PDZK1: variants seen among roughly 807,000 people sequenced by gnomAD.
PDZK1 encodes the protein Na(+)/H(+) exchange regulatory cofactor NHE-RF3.
PDZK1 carries 23 observed loss-of-function variants against 38.1 expected under a neutral mutation model. The ratio of observed to expected loss-of-function variants is 0.60; its 90% confidence interval spans 0.43 to 0.85. The LOEUF (loss-of-function observed/expected upper bound fraction) is 0.85, where lower values mean the gene tolerates loss of function less well. PDZK1 is among the 40% of genes least tolerant of loss of function. The pLI is 0.00. For synonymous variants in PDZK1, 98 were observed against 186.2 expected, an observed-to-expected ratio of 0.53 and a Z score of 3.86; for missense variants, 297 against 504.3, an observed-to-expected ratio of 0.59 and a Z score of 3.94.
intron 1 of PDZK1, among the ~76,000 whole-genome samples, chr1:145,688,528 A>AG (rs1303819815): frequency 6.6e-6 from 1 of 152,134 alleles, no homozygotes; most frequent in East Asian, 1.9e-4. Context: ...TGCAGTGATA[A>AG]GGGGGAAAAT....
At chr1:145,679,807 T>C (rs1372037159) in intron 5 of PDZK1, among the ~76,000 whole-genome samples, 13 of 152,326 alleles carry the variant, frequency 8.5e-5, no homozygotes, top group African/African-American at 3.1e-4. Context: ...CAACTCCCCA[T>C]TGTCTGATAA....
At chr1:145,704,428 G>A (rs1656139372) in intron 1 of PDZK1, among the ~76,000 whole-genome samples, 1 of 152,096 alleles carries the variant, frequency 6.6e-6, no homozygotes, top group Non-Finnish European at 1.5e-5. Context: ...CCATTCCCTG[G>A]GTTCCTTCAT....
chr1:145,681,432 G>A lies in PDZK1; in HGVS notation c.598-325C>T, dbSNP rs1252009370. ...CGAGTACCTGGGACTACAGGTGCCC[G>A]CCACCGCACCTGGCTAAATTTTTTT... On this transcript the variant is annotated intron_variant, in intron 4 of 8. Coordinates refer to ENST00000417171, the MANE Select transcript of PDZK1 (RefSeq NM_001201325.2). Among the ~76,000 whole-genome samples, 11 of 149,136 alleles carry A rather than the reference G, an allele frequency of 7.4e-5. 1 individual carries two copies. The East Asian group carries it at 1.4e-3, about 18-fold the overall frequency.
chr1:145,703,010 G>A (rs1289944347), intron 1 of PDZK1, among the ~76,000 whole-genome samples: 3 of 152,270 alleles, frequency 2.0e-5, no homozygotes, highest in African/African-American at 4.8e-5. Context: ...TCACCCACAC[G>A]AGCCTGCCCT....
chr1:145,685,833 T>C (rs1310275508), intron 3 of PDZK1, among the ~76,000 whole-genome samples: 1 of 152,168 alleles, frequency 6.6e-6, no homozygotes, highest in Non-Finnish European at 1.5e-5. Flanking sequence ...CTTCTGGTGC[T>C]TCCTGATGGT....
chr1:145,686,121 A>G (rs587755139), intron 3 of PDZK1, among the ~76,000 whole-genome samples: 35 of 152,158 alleles, frequency 2.3e-4, no homozygotes, highest in African/African-American at 8.2e-4. Context: ...CTTGCCTTTT[A>G]TTCCTTATTC....
chr1:145,705,327 G>T (rs1378942823), intron 1 of PDZK1, among the ~76,000 whole-genome samples: 1 of 152,122 alleles, frequency 6.6e-6, no homozygotes, highest in African/African-American at 2.4e-5. Flanking sequence ...CTGACCTCAG[G>T]TGATCCACCT....
chr1:145,672,083 G>A (rs1341552612), intron 8 of PDZK1, among the ~76,000 whole-genome samples: 2 of 151,992 alleles, frequency 1.3e-5, no homozygotes, highest in Admixed American at 6.6e-5. Flanking sequence ...TTTACTTTTC[G>A]ACCTCAAGTT....
At chr1:145,691,982 C>T (rs1553703313) in intron 1 of PDZK1, among the ~76,000 whole-genome samples, 1 of 151,688 alleles carries the variant, frequency 6.6e-6, no homozygotes, top group East Asian at 1.9e-4. Flanking sequence ...TTTTTTTCAC[C>T]AATTTTATTG....
rs781793839 is a variant in PDZK1, at chr1:145,688,042, A to T, written c.-2-19T>A. 2 of 1,590,864 alleles carry T rather than the reference A, an allele frequency of 1.3e-6. No individual in the cohort carries two copies. The highest frequency in any genetic ancestry group is 3.3e-5 in the Admixed American group (2 of 59,954). On this transcript the variant is annotated intron_variant, in intron 1 of 8. Coordinates refer to ENST00000417171, the MANE Select transcript of PDZK1 (RefSeq NM_001201325.2). ...GTCATTTCTGTGATGAAAAAAATAA[A>T]TTAATAAAACCATGGAAAAGAGAAT... is the stretch of plus-strand genomic sequence containing the variant.
rs190298059 is a variant in PDZK1 at position 145,689,598 on chromosome 1, G to C, written c.-2-1575C>G. Among the ~76,000 whole-genome samples, 213 of 152,332 alleles carry C rather than the reference G, an allele frequency of 1.4e-3. 1 individual carries two copies. Among genetic ancestry groups the C allele is most frequent in the African/African-American group, 5.1e-3 (211 of 41,568 alleles). On this transcript the variant is annotated intron_variant, in intron 1 of 8. Coordinates refer to ENST00000417171, the MANE Select transcript of PDZK1 (RefSeq NM_001201325.2). ...ATAAGAACAGGGGCCAGAACAGCAA[G>C]AGGCTGATACAGAAGGCAGAAGGCT...
chr1:145,683,244 T>C (rs1335197386), intron 3 of PDZK1, among the ~76,000 whole-genome samples: 1 of 152,234 alleles, frequency 6.6e-6, no homozygotes, highest in East Asian at 1.9e-4. Flanking sequence ...TGACACAGCC[T>C]TTACTCAGTG....
intron 4 of PDZK1, among the ~76,000 whole-genome samples, chr1:145,682,025 C>T (rs1447120092): frequency 7.6e-6 from 1 of 131,960 alleles, no homozygotes; most frequent in African/African-American, 3.2e-5. Context: ...CACACACACA[C>T]ACACACACAC....
intron 5 of PDZK1, among the ~76,000 whole-genome samples, chr1:145,680,356 C>T (rs1198561874): frequency 2.0e-5 from 3 of 152,232 alleles, no homozygotes; most frequent in South Asian, 2.1e-4. Flanking sequence ...TTATACGGCC[C>T]GAACTCATGT....
At chr1:145,679,890 T>A (rs1396337836) in intron 5 of PDZK1, among the ~76,000 whole-genome samples, 1 of 152,210 alleles carries the variant, frequency 6.6e-6, no homozygotes, top group Admixed American at 6.5e-5. Context: ...TTCCAACGAA[T>A]TCTTGTACTA....
intron 3 of PDZK1, 61 bp from the exon 4 acceptor site, chr1:145,682,697 A>G: frequency 7.3e-7 from 1 of 1,376,718 alleles, no homozygotes; most frequent in South Asian, 1.4e-5. Flanking sequence ...TTGGATGGTA[A>G]TCTGTGATGT....
At chr1:145,694,106 A>G (rs1655474438) in intron 1 of PDZK1, among the ~76,000 whole-genome samples, 1 of 152,190 alleles carries the variant, frequency 6.6e-6, no homozygotes, top group African/African-American at 2.4e-5. Flanking sequence ...CCAAGCAGAT[A>G]AAACAACCTT....
chr1:145,698,531 G>T (rs1441898768), intron 1 of PDZK1, among the ~76,000 whole-genome samples: 1 of 152,098 alleles, frequency 6.6e-6, no homozygotes, highest in African/African-American at 2.4e-5. Flanking sequence ...TAATAAACTT[G>T]CAGCAGCATG....
intron 6 of PDZK1, among the ~76,000 whole-genome samples, chr1:145,677,568 A>AT (rs1653808799): frequency 6.6e-6 from 1 of 151,896 alleles, no homozygotes. Context: ...TGCTTACAAG[A>AT]TTATCTTGAA....
Sources: gnomAD v4.1 joint callset for allele counts (sites outside exome capture counted in the v4.1 genomes callset) on GRCh38, gnomAD v4.1.1 for gene constraint, MANE v1.5 for transcripts, NCBI Gene and HGNC (gene_info 2026-07-23, HGNC 2026-07-21) for gene names.